ARHGAP20: variants seen among roughly 807,000 people sequenced by gnomAD.
ARHGAP20 encodes rho GTPase-activating protein 20.
Under a neutral mutation model 73.7 loss-of-function variants are expected in ARHGAP20, and 34 were observed. The observed-to-expected ratio is 0.46, with a 90% CI of 0.35 to 0.61. The LOEUF is 0.61. Ranked by LOEUF, ARHGAP20 falls within the 20% of genes least tolerant of loss-of-function variation. The probability of loss-of-function intolerance (pLI) is 0.00; values close to 1 mark genes in which losing one functional copy is unlikely to be tolerated. For synonymous variants in ARHGAP20, 523 were observed against 518.2 expected, an observed-to-expected ratio of 1.01 and a Z score of -0.13; for missense variants, 1,314 against 1,420.9, an observed-to-expected ratio of 0.92 and a Z score of 1.21.
At chr11:110,633,921 C>G (rs1948910052) in intron 2 of ARHGAP20, among the ~76,000 whole-genome samples, 1 of 152,094 alleles carries the variant, frequency 6.6e-6, no homozygotes. Flanking sequence ...ATAAATAACT[C>G]TTTGTAATGG....
At chr11:110,583,000 G>A (rs1439697578) in intron 13 of ARHGAP20, among the ~76,000 whole-genome samples, 1 of 152,198 alleles carries the variant, frequency 6.6e-6, no homozygotes, top group Non-Finnish European at 1.5e-5. Flanking sequence ...TCCATTGAGA[G>A]GTACTGGAAC....
chr11:110,579,577 G>A lies in ARHGAP20; in HGVS notation c.3369C>T (p.Ser1123=). 1 of 1,613,906 alleles carries A rather than the reference G, an allele frequency of 6.2e-7. No individual in the cohort carries two copies. Residue 1123 remains serine (S), a synonymous_variant, in exon 15 of 15, where the codon AGC becomes AGT. Coordinates refer to ENST00000683387, the MANE Select transcript of ARHGAP20 (RefSeq NM_001384657.1). ...TGCTCTCCACCAGGCTGAATGGAGA[G>A]CTACAGTGTCTCTCTGAGTCCTGGA... ...SPFQDSERHC[S]SPFSLVESRL...
At chr11:110,703,073 A>G (rs1465087734) in intron 1 of ARHGAP20, among the ~76,000 whole-genome samples, 1 of 152,142 alleles carries the variant, frequency 6.6e-6, no homozygotes, top group African/African-American at 2.4e-5. Context: ...CTATCACAGC[A>G]AGGTTTTGAC....
intron 9 of ARHGAP20, among the ~76,000 whole-genome samples, chr11:110,592,946 G>T (rs1947864974): frequency 6.6e-6 from 1 of 152,160 alleles, no homozygotes; most frequent in Admixed American, 6.6e-5. Flanking sequence ...TGGTCAGGGT[G>T]AGGAGAAAAG....
At chr11:110,585,841 C>CTGAG (rs1413190777) in intron 12 of ARHGAP20, among the ~76,000 whole-genome samples, 1 of 152,154 alleles carries the variant, frequency 6.6e-6, no homozygotes, top group Non-Finnish European at 1.5e-5. Context: ...CCTTACCAGA[C>CTGAG]TGAGTTCCAT....
intron 2 of ARHGAP20, among the ~76,000 whole-genome samples, chr11:110,645,940 G>A (rs922514806): frequency 2.6e-5 from 4 of 151,900 alleles, no homozygotes; most frequent in Admixed American, 1.3e-4. Flanking sequence ...CATAATTATG[G>A]TAACAATGGA....
intron 1 of ARHGAP20, among the ~76,000 whole-genome samples, chr11:110,707,308 C>T (rs575618665): frequency 1.3e-5 from 2 of 152,248 alleles, no homozygotes; most frequent in East Asian, 3.9e-4. Flanking sequence ...TGTGCTTCCA[C>T]TTCATTAAAA....
At chr11:110,668,068 G>T (rs1949758707) in intron 2 of ARHGAP20, among the ~76,000 whole-genome samples, 1 of 152,194 alleles carries the variant, frequency 6.6e-6, no homozygotes, top group African/African-American at 2.4e-5. Context: ...AATTTGAGAG[G>T]ACTGACTTCA....
chr11:110,698,144 T>C (rs1208963385), intron 1 of ARHGAP20, among the ~76,000 whole-genome samples: 1 of 151,814 alleles, frequency 6.6e-6, no homozygotes, highest in Non-Finnish European at 1.5e-5. Flanking sequence ...TGTTGGATTT[T>C]ACTGAATGCC....
At position 110,624,583 on chromosome 11, in the gene ARHGAP20, G is replaced by A. The variant is rs148333834; in HGVS notation, c.354-272C>T. Among the ~76,000 whole-genome samples the A allele has an allele frequency of 3.1e-3, 478 of 151,930 alleles. 5 individuals carry two copies. The highest frequency in any genetic ancestry group is 0.011 in the African/African-American group (451 of 41,416). ...GGAACAGCAAACCACCATGGCACAC[G>A]TAACCCTATGCAACAAACCTGCACA... On this transcript the variant is annotated intron_variant, in intron 3 of 14. Transcript: ENST00000683387.
chr11:110,627,015 C>T (rs1044084490), intron 3 of ARHGAP20, among the ~76,000 whole-genome samples: 2 of 152,100 alleles, frequency 1.3e-5, no homozygotes, highest in African/African-American at 2.4e-5. Context: ...TGACGACTAT[C>T]TCCAATAGTA....
intron 2 of ARHGAP20, among the ~76,000 whole-genome samples, chr11:110,655,746 G>C (rs1478791484): frequency 1.3e-5 from 2 of 152,000 alleles, no homozygotes; most frequent in Non-Finnish European, 2.9e-5. Context: ...GAGCTCCTTG[G>C]GGTTGGCACA....
At chr11:110,704,601 T>C (rs375491425) in intron 1 of ARHGAP20, among the ~76,000 whole-genome samples, 1 of 152,344 alleles carries the variant, frequency 6.6e-6, no homozygotes, top group African/African-American at 2.4e-5. Flanking sequence ...AGCCTCATTA[T>C]TGATGGTTGA....
chr11:110,630,520 T>C (rs1273768829), intron 3 of ARHGAP20, 108 bp downstream of exon 3: 8 of 1,167,732 alleles, frequency 6.9e-6, no homozygotes, highest in South Asian at 3.1e-5. Context: ...ATATTACCTA[T>C]AGTAACAAAG....
intron 2 of ARHGAP20, among the ~76,000 whole-genome samples, chr11:110,650,884 T>C (rs7115338): frequency 0.2 from 30,109 of 152,148 alleles, 3,245 homozygotes; most frequent in South Asian, 0.29. Flanking sequence ...AATGTAGTTC[T>C]GGAATTCTAA....
intron 2 of ARHGAP20, among the ~76,000 whole-genome samples, chr11:110,648,231 A>C (rs12282022): frequency 9.9e-6 from 1 of 100,746 alleles, no homozygotes; most frequent in Non-Finnish European, 2.0e-5. Flanking sequence ...GTATATATAT[A>C]TATATGTAAA....
chr11:110,711,124 G>A (rs138032039), intron 1 of ARHGAP20, among the ~76,000 whole-genome samples: 123 of 152,228 alleles, frequency 8.1e-4, no homozygotes, highest in Non-Finnish European at 1.4e-3. Flanking sequence ...GAGCGAAACG[G>A]CAGAGGCCGG....
In ARHGAP20 at chr11:110,657,926, GGA is replaced by G. The variant is rs1491565842; in HGVS notation, c.189-27136_189-27135del. 7.9e-5 allele frequency among the ~76,000 whole-genome samples: 6 copies of G among 75,478 alleles called. No individual in the cohort carries two copies. In the South Asian group the frequency reaches 3.1e-3, roughly 39 times the overall value. The allele number at this position is 75,478 out of a possible 152,430, so 49.5% of individuals were successfully genotyped here. On this transcript the variant is annotated intron_variant, in intron 2 of 14. Coordinates refer to ENST00000683387, the MANE Select transcript of ARHGAP20 (RefSeq NM_001384657.1). ...AAAGAAAGAAAAAGAGAGAGAGGAAGGAAGGAAGGAAGGAAGGAAGGAAGGAA... is the reference window on the plus strand; with the variant it reads ...AAAGAAAGAAAAAGAGAGAGAGGAAGAGGAAGGAAGGAAGGAAGGAAGGAA...
intron 2 of ARHGAP20, among the ~76,000 whole-genome samples, chr11:110,636,895 T>C (rs1948980038): frequency 6.6e-6 from 1 of 151,988 alleles, no homozygotes; most frequent in African/African-American, 2.4e-5. Flanking sequence ...GGGGAAAGGG[T>C]AAGACTATAA....
Sources: gnomAD v4.1 joint callset for allele counts (sites outside exome capture counted in the v4.1 genomes callset) on GRCh38, gnomAD v4.1.1 for gene constraint, MANE v1.5 for transcripts, NCBI Gene and HGNC (gene_info 2026-07-23, HGNC 2026-07-21) for gene names.